Variants in ATP11B observed in about 807,000 individuals in gnomAD.
The protein encoded by ATP11B is phospholipid-transporting ATPase IF.
ATP11B carries 81 observed loss-of-function variants against 157.8 expected under a neutral mutation model. The ratio of observed to expected loss-of-function variants is 0.51; its 90% CI spans 0.43 to 0.62. ATP11B has a LOEUF of 0.62. ATP11B is among the 20% of genes least tolerant of loss of function. The pLI is 0.00. For missense variants in ATP11B, 1,165 were observed against 1,402.2 expected (o/e 0.83, Z 2.70); for synonymous variants, 451 against 469.4 (o/e 0.96, Z 0.51).
In ATP11B at chr3:182,909,570, A is replaced by C. The variant is rs570051281; in HGVS notation, c.3319-4291A>C. On this transcript the variant is annotated intron_variant, in intron 28 of 29. Coordinates refer to ENST00000323116, the MANE Select transcript of ATP11B (RefSeq NM_014616.3). ...TTACTTTGAATGAAATGGGCTCTAAATGCTCCACTCCCATTCTCCTCACCC... is the reference window on the plus strand; with the variant it reads ...TTACTTTGAATGAAATGGGCTCTAACTGCTCCACTCCCATTCTCCTCACCC... Among the ~76,000 whole-genome samples the C allele has an allele frequency of 3.3e-5, 5 of 152,232 alleles. No individual in the cohort carries two copies. In the South Asian group the frequency reaches 1.0e-3, roughly 32 times the overall value.
At chr3:182,871,907 C>G (rs1311013832) in intron 17 of ATP11B, among the ~76,000 whole-genome samples, 1 of 152,096 alleles carries the variant, frequency 6.6e-6, no homozygotes, top group African/African-American at 2.4e-5. Context: ...GCTCCACCTC[C>G]CGGGTTCACG....
In ATP11B at chr3:182,880,987, T is replaced by C. The variant is rs1282148002; in HGVS notation, c.2509+6T>C. 6.4e-7 allele frequency: 1 copy of C among 1,566,526 alleles called. No homozygotes were observed. Among genetic ancestry groups the C allele is most frequent in the Non-Finnish European group, 8.6e-7 (1 of 1,161,346 alleles). On this transcript the variant is annotated splice_donor_region_variant and intron_variant, in intron 21 of 29. Coordinates refer to ENST00000323116, the MANE Select transcript of ATP11B (RefSeq NM_014616.3). ...AGAAGCCCATGTTGGCATAGGTGAT[T>C]GATTCTTCCTGAAAAGTTTTTCCTG...
At chr3:182,899,023 G>T (rs1420491893) in intron 28 of ATP11B, among the ~76,000 whole-genome samples, 2 of 151,296 alleles carry the variant, frequency 1.3e-5, no homozygotes, top group African/African-American at 4.9e-5. Flanking sequence ...ATGTTTTTAG[G>T]TATGAAACTA....
chr3:182,881,998 ATATTG>A, intron 21 of ATP11B, among the ~76,000 whole-genome samples: 1 of 152,304 alleles, frequency 6.6e-6, no homozygotes, highest in African/African-American at 2.4e-5. Flanking sequence ...TCATTTCATT[ATATTG>A]AATTTATTAA....
At chr3:182,879,762 C>T in intron 20 of ATP11B, 113 bp downstream of exon 20, 1 of 965,468 alleles carries the variant, frequency 1.0e-6, no homozygotes, top group Non-Finnish European at 1.4e-6. Context: ...ATACATTTTG[C>T]TAGGAGTCAG....
At position 182,918,685 on chromosome 3, in the gene ATP11B, C is replaced by A. The variant is rs542959765; in HGVS notation, c.*581C>A. The A allele has an allele frequency of 3.8e-6, 1 of 261,700 alleles. No homozygotes were observed. The highest frequency in any genetic ancestry group is 2.2e-5 in the African/African-American group (1 of 45,718). 16.2% of individuals were successfully genotyped at this position (261,700 alleles called of 1,614,324 possible). ...AGCAAATTAGGAGAATCATTTCCAACCATTATTTACTGCAGTATGGGGAGT... is the reference window on the plus strand; with the variant it reads ...AGCAAATTAGGAGAATCATTTCCAAACATTATTTACTGCAGTATGGGGAGT... On this transcript the variant is annotated 3_prime_UTR_variant, in exon 30 of 30. Transcript: ENST00000323116.
chr3:182,799,069 C>T (rs374548809), intron 1 of ATP11B, among the ~76,000 whole-genome samples: 1 of 152,042 alleles, frequency 6.6e-6, no homozygotes, highest in African/African-American at 2.4e-5. Context: ...ATGACTTTAC[C>T]CAGGCTTTTT....
chr3:182,813,612 C>T (rs1265444778), intron 1 of ATP11B, among the ~76,000 whole-genome samples: 3 of 152,156 alleles, frequency 2.0e-5, no homozygotes, highest in Non-Finnish European at 4.4e-5. Context: ...GCTAGCCCCT[C>T]TTATACTAGT....
At chr3:182,872,853 T>C (rs956813492) in intron 18 of ATP11B, among the ~76,000 whole-genome samples, 3 of 152,218 alleles carry the variant, frequency 2.0e-5, no homozygotes, top group African/African-American at 7.2e-5. Flanking sequence ...TACCACTGTC[T>C]CCTTCCGCTT....
At chr3:182,849,032 C>G (rs1180994922) in intron 10 of ATP11B, among the ~76,000 whole-genome samples, 1 of 152,138 alleles carries the variant, frequency 6.6e-6, no homozygotes, top group African/African-American at 2.4e-5. Context: ...ATAGAAGTAT[C>G]AGAGGACAAG....
chr3:182,866,659 CTT>C (rs112962143), intron 14 of ATP11B, among the ~76,000 whole-genome samples: 23,354 of 151,246 alleles, frequency 0.15, 2,409 homozygotes, highest in African/African-American at 0.3. Flanking sequence ...TTTAAGATCT[CTT>C]TGAAAATCTG....
rs1015826124 is a variant in ATP11B at position 182,815,004 on chromosome 3, A to T, written c.28-5256A>T. The stretch of plus-strand genomic sequence containing the variant: ...AGGAAGCTCTTAAGCTGAAAAATGA[A>T]GGATGAGTAGGCTTTTCCTGGAGCC... On this transcript the variant is annotated intron_variant, in intron 1 of 29. Coordinates refer to ENST00000323116, the MANE Select transcript of ATP11B (RefSeq NM_014616.3). Among the ~76,000 whole-genome samples the T allele has an allele frequency of 2.0e-4, 30 of 152,218 alleles. 1 individual carries two copies. Among genetic ancestry groups the T allele is most frequent in the African/African-American group, 7.0e-4 (29 of 41,464 alleles).
At chr3:182,816,563 A>G (rs570184361) in intron 1 of ATP11B, among the ~76,000 whole-genome samples, 12 of 152,374 alleles carry the variant, frequency 7.9e-5, no homozygotes, top group East Asian at 3.8e-4. Flanking sequence ...AGTTACACAA[A>G]TAATTTTGTT....
chr3:182,818,431 G>A (rs1717101244), intron 1 of ATP11B, among the ~76,000 whole-genome samples: 1 of 152,256 alleles, frequency 6.6e-6, no homozygotes, highest in East Asian at 1.9e-4. Context: ...TTTGAAATCA[G>A]ACACATAATG....
chr3:182,889,853 AGCT>A (rs1183630119), intron 25 of ATP11B, among the ~76,000 whole-genome samples: 2 of 152,164 alleles, frequency 1.3e-5, no homozygotes, highest in Non-Finnish European at 2.9e-5. Context: ...TTTTATTGAT[AGCT>A]GCCATTTATC....
At chr3:182,884,990 A>G in intron 22 of ATP11B, 92 bp downstream of exon 22, 1 of 729,964 alleles carries the variant, frequency 1.4e-6, no homozygotes, top group Non-Finnish European at 2.0e-6. Flanking sequence ...TCTCTTTAAA[A>G]TAGTTTCAAT....
At chr3:182,888,833 C>T (rs575421916) in intron 24 of ATP11B, among the ~76,000 whole-genome samples, 2 of 151,748 alleles carry the variant, frequency 1.3e-5, no homozygotes, top group Admixed American at 6.6e-5. Context: ...CAGGCATGAG[C>T]CACCATGCCC....
At chr3:182,813,304 C>T (rs1716780073) in intron 1 of ATP11B, among the ~76,000 whole-genome samples, 1 of 152,182 alleles carries the variant, frequency 6.6e-6, no homozygotes, top group South Asian at 2.1e-4. Context: ...CCATTTTCCA[C>T]AGTAGCTTCA....
At chr3:182,840,347 C>A (rs1234008907) in intron 7 of ATP11B, among the ~76,000 whole-genome samples, 1 of 152,132 alleles carries the variant, frequency 6.6e-6, no homozygotes, top group East Asian at 1.9e-4. Flanking sequence ...CCAGGACTTG[C>A]ACTGTTCCTT....
Sources: gnomAD v4.1 joint callset for allele counts (sites outside exome capture counted in the v4.1 genomes callset) on GRCh38, gnomAD v4.1.1 for gene constraint, MANE v1.5 for transcripts, NCBI Gene and HGNC (gene_info 2026-07-23, HGNC 2026-07-21) for gene names.